The following SBNO2 variants were observed in gnomAD, a reference collection of about 807,000 sequenced individuals.
SBNO2 encodes the protein protein strawberry notch homolog 2.
In SBNO2, 89 loss-of-function variants were observed where a neutral mutation model predicts 146.3. The ratio of observed to expected loss-of-function variants is 0.61; its 90% CI spans 0.51 to 0.73. SBNO2 has a LOEUF of 0.73. SBNO2 is among the 30% of genes least tolerant of loss of function. The probability of loss-of-function intolerance (pLI) is 0.00; values close to 1 mark genes in which losing one functional copy is unlikely to be tolerated. For missense variants in SBNO2, 2,092 were observed against 2,003.7 expected (o/e 1.04, Z -0.84); for synonymous variants, 1,147 against 892.6 (o/e 1.29, Z -5.08).
chr19:1,122,673 C>T lies in SBNO2; in HGVS notation c.899G>A (p.Arg300Gln), dbSNP rs771458288. ...AGGGCCTCACCACAATGCTTTCTTC[C>T]GGCCGCGCAGGTGGTTCTCCAGGAT... ...GVILENHLRG[R>Q]KKALWFSVSN... is the part of the protein sequence containing the mutation. The change falls in exon 9 of 32, where the codon CGG (arginine) becomes CAG (glutamine). Residue 300 changes from arginine (R) to glutamine (Q), a missense_variant. Transcript: ENST00000361757. 13 of 1,530,180 alleles carry T rather than the reference C, an allele frequency of 8.5e-6. No homozygotes were observed. Among genetic ancestry groups the T allele is most frequent in the African/African-American group, 4.1e-5 (3 of 72,514 alleles). 94.8% of individuals were successfully genotyped at this position (1,530,180 alleles called of 1,614,324 possible).
rs898314176 is a variant in SBNO2, at chr19:1,136,389, G to T, written c.280-8624C>A. 1.3e-5 allele frequency among the ~76,000 whole-genome samples: 2 copies of T among 152,232 alleles called. No individual in the cohort carries two copies. The highest frequency in any genetic ancestry group is 6.5e-5 in the Admixed American group (1 of 15,288). On this transcript the variant is annotated intron_variant, in intron 4 of 31. Transcript: ENST00000361757. The surrounding 1 kb of genome is among the most constrained non-coding windows in gnomAD (Gnocchi z 4.2). ...TGGGCCCTGGGGCCGCCGCCTCAGT[G>T]TCTTCTGGTGCTGCAGCCGGGCAGG...
intron 1 of SBNO2, among the ~76,000 whole-genome samples, chr19:1,163,978 C>A (rs960319691): frequency 6.6e-6 from 1 of 152,222 alleles, no homozygotes; most frequent in African/African-American, 2.4e-5. Context: ...AGACTCAGCG[C>A]CCTGAGGACG....
At position 1,109,827 on chromosome 19, in the gene SBNO2, CTGGGGCCAGGGTCA is replaced by C; in HGVS notation, c.3029-64_3029-51del. The C allele has an allele frequency of 7.1e-7, 1 of 1,411,374 alleles. No individual in the cohort carries two copies. Among genetic ancestry groups the C allele is most frequent in the Non-Finnish European group, 9.8e-7 (1 of 1,023,258 alleles). 87.4% of individuals were successfully genotyped at this position (1,411,374 alleles called of 1,614,324 possible). On this transcript the variant is annotated intron_variant, in intron 26 of 31. Coordinates refer to ENST00000361757, the MANE Select transcript of SBNO2 (RefSeq NM_014963.3). The surrounding 1 kb of genome is among the most constrained non-coding windows in gnomAD (Gnocchi z 4.2). The stretch of plus-strand genomic sequence containing the variant: ...TGGTGTCCAGGCCTGGGACTGTGGG[CTGGGGCCAGGGTCA>C]GTCCCGTAGCCGGGGCGCACCCTAG...
rs561288685 is a variant in SBNO2, at chr19:1,151,959, G to C, written c.93+2225C>G. 7.9e-5 allele frequency among the ~76,000 whole-genome samples: 12 copies of C among 152,252 alleles called. No individual in the cohort carries two copies. In the South Asian group the frequency reaches 2.3e-3, roughly 29 times the overall value. ...ATTTCAGGCGTGAACCATTGTGCTG[G>C]CCGGTGTATTTTTATTTCTAATTGA... is the stretch of plus-strand genomic sequence containing the variant. On this transcript the variant is annotated intron_variant, in intron 2 of 31. Coordinates refer to ENST00000361757, the MANE Select transcript of SBNO2 (RefSeq NM_014963.3).
intron 15 of SBNO2, 73 bp downstream of exon 15, chr19:1,117,250 G>A: frequency 2.1e-6 from 3 of 1,413,284 alleles, no homozygotes; most frequent in South Asian, 1.4e-5. Flanking sequence ...GGCCAGGAAG[G>A]ACCTGGAAGA....
At chr19:1,143,884 G>A (rs2080162234) in intron 4 of SBNO2, among the ~76,000 whole-genome samples, 2 of 152,244 alleles carry the variant, frequency 1.3e-5, no homozygotes, top group African/African-American at 4.8e-5. Flanking sequence ...AGTCCCATCT[G>A]CAGGTCCCGT....
intron 1 of SBNO2, among the ~76,000 whole-genome samples, chr19:1,160,989 G>A (rs1243598544): frequency 6.7e-6 from 1 of 148,844 alleles, no homozygotes; most frequent in African/African-American, 2.5e-5. Flanking sequence ...AAAGGGTGGA[G>A]GGTCCTGAGG....
intron 1 of SBNO2, among the ~76,000 whole-genome samples, chr19:1,167,718 G>C (rs906675918): frequency 2.0e-5 from 3 of 152,190 alleles, no homozygotes; most frequent in African/African-American, 7.2e-5. Flanking sequence ...CACGGCTCCA[G>C]GGGGTGGGGG....
Position 1,114,355 on chromosome 19 carries a change from G to A in SBNO2, c.1953C>T (p.Ile651=). ...CCGACTCCGTGCTGCTGTCGTCACT[G>A]ATGCGGATGACGCCCGCTGTCTCGC... ...LACETAGVIR[I]SDDSSTESDP... The change falls in exon 18 of 32, where the codon ATC becomes ATT. Residue 651 remains isoleucine (I), a synonymous_variant. Transcript: ENST00000361757. 6.4e-7 allele frequency: 1 copy of A among 1,557,260 alleles called. No individual in the cohort carries two copies.
rs1218448625 is a variant in SBNO2 at position 1,110,828 on chromosome 19, G to A, written c.2945C>T (p.Ala982Val). The A allele has an allele frequency of 1.9e-6, 3 of 1,613,636 alleles. No individual in the cohort carries two copies. Among genetic ancestry groups the A allele is most frequent in the South Asian group, 1.1e-5 (1 of 91,082 alleles). ...GGTGTCTGAGAAGTACTGGAACAGG[G>A]CGTTCTGCTTGTGCACCTCCAGCCC... ...ILGLEVHKQN[A>V]LFQYFSDTFD... Residue 982 changes from alanine (A) to valine (V), a missense_variant, in exon 26 of 32, where the codon GCC becomes GTC. Physicochemically the swap from Ala to Val is moderately conservative, Grantham distance 64. Transcript: ENST00000361757. The surrounding 1 kb of genome is among the most constrained non-coding windows in gnomAD (Gnocchi z 4.9).
intron 2 of SBNO2, among the ~76,000 whole-genome samples, chr19:1,152,929 G>A (rs568143305): frequency 1.6e-4 from 24 of 152,208 alleles, no homozygotes; most frequent in African/African-American, 5.5e-4. Flanking sequence ...AAGGCAGGCG[G>A]GTCAACTGAG....
At position 1,123,168 on chromosome 19, in the gene SBNO2, C is replaced by T. The variant is rs2079924619; in HGVS notation, c.629-123G>A. The T allele has an allele frequency of 2.0e-5, 23 of 1,147,134 alleles. No homozygotes were observed. In the South Asian group the frequency reaches 2.9e-4, roughly 14 times the overall value. The allele number at this position is 1,147,134 out of a possible 1,614,324, so 71.1% of individuals were successfully genotyped here. On this transcript the variant is annotated intron_variant, in intron 7 of 31. Coordinates refer to ENST00000361757, the MANE Select transcript of SBNO2 (RefSeq NM_014963.3). ...CTGGCGGGGCAGTTTGGGGGCGTGG[C>T]CAGGTCCCGTTGGGCGGGTCATGGG...
chr19:1,153,465 C>A (rs1197127084), intron 2 of SBNO2, among the ~76,000 whole-genome samples: 4 of 150,754 alleles, frequency 2.7e-5, no homozygotes, highest in Non-Finnish European at 3.0e-5. Context: ...TCTCAAACTC[C>A]TGACCTCAAG....
In SBNO2 at chr19:1,116,061, G is replaced by T; in HGVS notation, c.1845C>A (p.Thr615=). Residue 615 remains threonine, a synonymous_variant, in exon 17 of 32, where the codon ACC becomes ACA. Transcript: ENST00000361757. ...LSLIQKHFPS[T]KRKRDRGAGS... is the part of the protein sequence containing the mutation. ...CCGCTCCTCTGTCCCGCTTTCTCTT[G>T]GTGGACGGAAAGTGCTTCTGAATTA... 6.2e-7 allele frequency: 1 copy of T among 1,611,334 alleles called. No individual in the cohort carries two copies. Among genetic ancestry groups the T allele is most frequent in the South Asian group, 1.1e-5 (1 of 91,024 alleles).
Position 1,109,612 on chromosome 19 carries a change from G to T in SBNO2, c.3124-14C>A. On this transcript the variant is annotated splice_polypyrimidine_tract_variant and intron_variant, in intron 27 of 31. Transcript: ENST00000361757. The surrounding 1 kb of genome is among the most constrained non-coding windows in gnomAD (Gnocchi z 4.2). ...GTCCACGCTGATCTGCCACGGCACG[G>T]GGTGGGGGGGTGTGAGTGTGGTGGG... 6.4e-7 allele frequency: 1 copy of T among 1,564,236 alleles called. No individual in the cohort carries two copies. The highest frequency in any genetic ancestry group is 8.7e-7 in the Non-Finnish European group (1 of 1,154,810).
At chr19:1,121,338 G>T (rs939553918) in intron 11 of SBNO2, among the ~76,000 whole-genome samples, 1 of 152,234 alleles carries the variant, frequency 6.6e-6, no homozygotes, top group Non-Finnish European at 1.5e-5. Context: ...CTATTTCGTA[G>T]ATTGTTGCAC....
intron 1 of SBNO2, among the ~76,000 whole-genome samples, chr19:1,156,702 G>A (rs112467435): frequency 5.8e-4 from 89 of 152,256 alleles, no homozygotes; most frequent in Admixed American, 1.5e-3. Context: ...AGGCCACAGC[G>A]CAGACGCACC....
intron 4 of SBNO2, among the ~76,000 whole-genome samples, chr19:1,133,152 G>T (rs889302795): frequency 6.6e-6 from 1 of 152,154 alleles, no homozygotes; most frequent in African/African-American, 2.4e-5. Context: ...GAGGACGGCC[G>T]GGCTGTGGAG....
intron 1 of SBNO2, among the ~76,000 whole-genome samples, chr19:1,170,512 C>T (rs939693371): frequency 7.2e-5 from 11 of 152,138 alleles, no homozygotes; most frequent in East Asian, 5.8e-4. Flanking sequence ...GGCTTCAACC[C>T]GGCAGCTGGA....
Sources: allele counts gnomAD v4.1 joint callset (sites outside exome capture counted in the v4.1 genomes callset), GRCh38; gene constraint gnomAD v4.1.1; non-coding constraint Gnocchi (gnomAD v3.1); transcripts MANE v1.5; gene names NCBI Gene and HGNC (gene_info 2026-07-23, HGNC 2026-07-21).